Variants in TRHDE observed in about 807,000 individuals in gnomAD.
TRHDE encodes thyrotropin releasing hormone degrading enzyme.
TRHDE carries 72 observed loss-of-function variants against 125.7 expected under a neutral mutation model. The ratio of observed to expected loss-of-function variants is 0.57; its 90% CI spans 0.47 to 0.70. The LOEUF is 0.70. TRHDE is among the 30% of genes least tolerant of loss of function. The pLI, the probability that TRHDE is intolerant of heterozygous loss-of-function variation, is 0.00. For synonymous variants in TRHDE, 509 were observed against 509.1 expected, an observed-to-expected ratio of 1.00 and a Z score of 0.00; for missense variants, 1,110 against 1,327.1, an observed-to-expected ratio of 0.84 and a Z score of 2.54.
At chr12:72,183,566 AT>A (rs1379239043) in intron 2 of TRHDE, among the ~76,000 whole-genome samples, 1 of 152,210 alleles carries the variant, frequency 6.6e-6, no homozygotes, top group East Asian at 1.9e-4. Flanking sequence ...TGACATTTTC[AT>A]TTTTTTAATA....
At chr12:72,461,190 A>T (rs1386263201) in intron 3 of TRHDE, among the ~76,000 whole-genome samples, 1 of 152,208 alleles carries the variant, frequency 6.6e-6, no homozygotes, top group Non-Finnish European at 1.5e-5. Context: ...AGCTGAAACT[A>T]GTCTGCTTTA....
chr12:72,239,717 T>C (rs1035786287), intron 2 of TRHDE, among the ~76,000 whole-genome samples: 2 of 152,178 alleles, frequency 1.3e-5, no homozygotes, highest in African/African-American at 4.8e-5. Flanking sequence ...ATTAGATATA[T>C]TGAGACATAT....
intron 3 of TRHDE, among the ~76,000 whole-genome samples, chr12:72,449,429 T>A (rs1238526196): frequency 6.6e-6 from 1 of 152,026 alleles, no homozygotes; most frequent in African/African-American, 2.4e-5. Context: ...ATCTGATTTT[T>A]GAATTTTTTT....
intron 3 of TRHDE, among the ~76,000 whole-genome samples, chr12:72,393,228 A>G (rs2135793332): frequency 6.6e-6 from 1 of 152,364 alleles, no homozygotes; most frequent in East Asian, 1.9e-4. Context: ...TCAAACTAAG[A>G]TGGAAGATAG....
At chr12:72,621,813 G>T in intron 15 of TRHDE, 62 bp downstream of exon 15, 2 of 1,226,930 alleles carry the variant, frequency 1.6e-6, no homozygotes, top group Non-Finnish European at 2.3e-6. Flanking sequence ...AGTCTCAGTG[G>T]ATGCATTTCA....
intron 1 of TRHDE, among the ~76,000 whole-genome samples, chr12:72,275,828 C>T (rs1364443424): frequency 9.9e-5 from 15 of 152,172 alleles, no homozygotes. Context: ...AAGAAGTAAA[C>T]AACTTGGTTG....
At chr12:72,422,236 T>G (rs1873986586) in intron 3 of TRHDE, among the ~76,000 whole-genome samples, 1 of 152,156 alleles carries the variant, frequency 6.6e-6, no homozygotes, top group Non-Finnish European at 1.5e-5. Flanking sequence ...TGCTGCACCT[T>G]AAAACAATGA....
At chr12:72,474,507 T>C (rs1470742406) in intron 5 of TRHDE, among the ~76,000 whole-genome samples, 1 of 152,140 alleles carries the variant, frequency 6.6e-6, no homozygotes, top group Non-Finnish European at 1.5e-5. Context: ...AGATTTCTTA[T>C]AGAAGTGGAA....
intron 2 of TRHDE, among the ~76,000 whole-genome samples, chr12:72,135,549 GTT>G (rs202197870): frequency 1.5e-3 from 210 of 140,332 alleles, no homozygotes; most frequent in African/African-American, 4.7e-3. Context: ...GTGTAAACAT[GTT>G]TTTTTTTTTT....
chr12:72,286,834 T>C lies in TRHDE; in HGVS notation c.1068T>C (p.Phe356=). The change falls in exon 2 of 19, where the codon TTT becomes TTC. Residue 356 remains phenylalanine (F), a synonymous_variant. Coordinates refer to ENST00000261180, the MANE Select transcript of TRHDE (RefSeq NM_013381.3). The part of the protein sequence containing the change: ...LSNMPVETSV[F]EEDGWVTDHF... The stretch of plus-strand genomic sequence containing the variant: ...ATATGCCAGTGGAAACTTCCGTGTT[T>C]GAGGAAGATGGATGGGTTACGGATC... 1 of 1,613,980 alleles carries C rather than the reference T, an allele frequency of 6.2e-7. No homozygotes were observed. Among genetic ancestry groups the C allele is most frequent in the African/African-American group, 1.3e-5 (1 of 74,988 alleles).
chr12:72,184,958 C>T (rs1253292801), intron 2 of TRHDE, among the ~76,000 whole-genome samples: 1 of 151,910 alleles, frequency 6.6e-6, no homozygotes, highest in African/African-American at 2.4e-5. Context: ...AGCCCTTCAG[C>T]CCCCCCACTG....
At chr12:72,117,673 G>A (rs933669311) in intron 2 of TRHDE, among the ~76,000 whole-genome samples, 2 of 151,926 alleles carry the variant, frequency 1.3e-5, no homozygotes, top group South Asian at 4.2e-4. Context: ...TAGATAATAT[G>A]GACATTTTAA....
At chr12:72,302,165 A>G (rs899889320) in intron 2 of TRHDE, among the ~76,000 whole-genome samples, 1 of 152,254 alleles carries the variant, frequency 6.6e-6, no homozygotes, top group African/African-American at 2.4e-5. Context: ...GGAAGAAACC[A>G]GAGAGAGAAA....
chr12:72,660,010 C>T (rs558511427), intron 18 of TRHDE, among the ~76,000 whole-genome samples: 6 of 151,820 alleles, frequency 4.0e-5, no homozygotes, highest in Admixed American at 6.6e-5. Flanking sequence ...GCTGGGCGTG[C>T]TGATGTTTAT....
At chr12:72,116,102 C>A (rs1307482217) in intron 2 of TRHDE, among the ~76,000 whole-genome samples, 1 of 152,058 alleles carries the variant, frequency 6.6e-6, no homozygotes, top group Non-Finnish European at 1.5e-5. Context: ...TGAGTGAGAA[C>A]ATTTGGTGTT....
At chr12:72,621,894 G>T (rs1873069963) in intron 15 of TRHDE, 143 bp downstream of exon 15, 4 of 613,028 alleles carry the variant, frequency 6.5e-6, no homozygotes, top group South Asian at 2.0e-5. Context: ...CAGGTTCACA[G>T]CTTCCAAGGC....
At chr12:72,091,088 G>A (rs1055076331) in intron 1 of TRHDE, among the ~76,000 whole-genome samples, 1 of 151,966 alleles carries the variant, frequency 6.6e-6, no homozygotes, top group Non-Finnish European at 1.5e-5. Flanking sequence ...TGCACAGGCT[G>A]GTGTCAAACT....
intron 6 of TRHDE, among the ~76,000 whole-genome samples, chr12:72,513,904 C>T (rs1241414498): frequency 2.0e-5 from 3 of 152,060 alleles, no homozygotes; most frequent in Non-Finnish European, 4.4e-5. Flanking sequence ...TAAACCTATC[C>T]CCATCCTCAG....
At chr12:72,397,948 G>A (rs1166810361) in intron 3 of TRHDE, among the ~76,000 whole-genome samples, 1 of 150,710 alleles carries the variant, frequency 6.6e-6, no homozygotes, top group Non-Finnish European at 1.5e-5. Context: ...TCGTCATCTA[G>A]CATTAGGTAT....
Sources: gnomAD v4.1 joint callset for allele counts (sites outside exome capture counted in the v4.1 genomes callset) on GRCh38, gnomAD v4.1.1 for gene constraint, MANE v1.5 for transcripts, NCBI Gene and HGNC (gene_info 2026-07-23, HGNC 2026-07-21) for gene names.